Variants in PRPS1 observed in about 807,000 individuals in gnomAD.
PRPS1 encodes ribose-phosphate pyrophosphokinase 1.
A neutral mutation model predicts 16.9 loss-of-function variants in PRPS1; 1 was observed. The ratio of observed to expected loss-of-function variants is 0.06; its 90% CI spans 0.02 to 0.28. PRPS1 has a LOEUF of 0.28. Ranked by LOEUF, PRPS1 falls within the 10% of genes least tolerant of loss-of-function variation. PRPS1 has a pLI of 1.00. For synonymous variants in PRPS1, 70 were observed against 90.2 expected (o/e 0.78, Z 1.27); for missense variants, 47 against 254.0 (o/e 0.19, Z 5.54).
intron 1 of PRPS1, among the ~76,000 whole-genome samples, chrX:107,638,117 T>A (rs938056598): frequency 1.8e-5 from 2 of 108,541 alleles, no homozygotes; most frequent in Non-Finnish European, 3.8e-5. Context: ...TTTTTTTTTT[T>A]ATTTTTATTT....
chrX:107,629,970 C>G (rs1207430562), intron 1 of PRPS1: 2 of 112,242 alleles, frequency 1.8e-5, no homozygotes, highest in South Asian at 7.2e-4. Flanking sequence ...TACTTTTTTG[C>G]TTTCTTTGGA....
chrX:107,643,600 C>G (rs1925624888), intron 4 of PRPS1, among the ~76,000 whole-genome samples: 1 of 110,711 alleles, frequency 9.0e-6, no homozygotes, highest in Non-Finnish European at 1.9e-5. Context: ...AGGTAGAGAT[C>G]CCTGTGTGAT....
At chrX:107,645,749 G>T (rs1036582823) in intron 5 of PRPS1, among the ~76,000 whole-genome samples, 12 of 111,290 alleles carry the variant, frequency 1.1e-4, no homozygotes, top group African/African-American at 3.9e-4. Flanking sequence ...TGAGCAGACA[G>T]GTGTGTGTGC....
At chrX:107,632,662 A>G (rs999342252) in intron 1 of PRPS1, among the ~76,000 whole-genome samples, 1 of 112,658 alleles carries the variant, frequency 8.9e-6, no homozygotes, top group African/African-American at 3.2e-5. Context: ...ATTACTCTCT[A>G]AATTGCTGAA....
At position 107,628,543 on chromosome X, in the gene PRPS1, T is replaced by C; in HGVS notation, c.-86T>C. 8.3e-7 allele frequency: 1 copy of C among 1,200,982 alleles called. No homozygotes were observed. Among genetic ancestry groups the C allele is most frequent in the Admixed American group, 2.2e-5 (1 of 45,956 alleles). ...ATGGCGGAGTAGCAACGCAAAGCGC[T>C]TGGTATTGAGTCTGTGGCCGACTTC... On this transcript the variant is annotated 5_prime_UTR_variant, in exon 1 of 7. Transcript: ENST00000372435.
chrX:107,641,021 T>C, intron 3 of PRPS1, 21 bp downstream of exon 3: 1 of 1,211,563 alleles, frequency 8.3e-7, no homozygotes, highest in Non-Finnish European at 1.1e-6. Flanking sequence ...AAGCTAAATA[T>C]TGGTGTTTGA....
At chrX:107,638,657 A>G (rs1367483906) in intron 1 of PRPS1, among the ~76,000 whole-genome samples, 1 of 111,183 alleles carries the variant, frequency 9.0e-6, no homozygotes, top group African/African-American at 3.3e-5. Flanking sequence ...CTGGGCTCAA[A>G]TGATCCTCCT....
chrX:107,636,927 T>C (rs773309543), intron 1 of PRPS1, among the ~76,000 whole-genome samples: 115 of 111,741 alleles, frequency 1.0e-3, no homozygotes, highest in Non-Finnish European at 1.7e-3. Flanking sequence ...GAGATAGAAG[T>C]ATGGATCTTT....
At chrX:107,645,449 G>A (rs1247248898) in intron 5 of PRPS1, 99 bp downstream of exon 5, 2 of 1,014,739 alleles carry the variant, frequency 2.0e-6, no homozygotes, top group East Asian at 3.1e-5. Context: ...ACCAAATTGA[G>A]GGGATAAGTA....
At chrX:107,642,628 A>C in intron 4 of PRPS1, 138 bp downstream of exon 4, 2 of 792,682 alleles carry the variant, frequency 2.5e-6, no homozygotes, top group Non-Finnish European at 3.7e-6. Context: ...ACATGGGTTG[A>C]ATATAGTTTT....
At chrX:107,641,762 G>T (rs1332705135) in intron 3 of PRPS1, among the ~76,000 whole-genome samples, 1 of 112,063 alleles carries the variant, frequency 8.9e-6, no homozygotes, top group African/African-American at 3.2e-5. Context: ...TTTTCAAAGA[G>T]ATTTTTCAAA....
chrX:107,635,966 A>G (rs1384731492), intron 1 of PRPS1, among the ~76,000 whole-genome samples: 2 of 102,869 alleles, frequency 1.9e-5, no homozygotes, highest in Admixed American at 2.1e-4. Context: ...AGGCTGAGGC[A>G]GGAGAATCAC....
intron 4 of PRPS1, among the ~76,000 whole-genome samples, chrX:107,643,818 G>A: frequency 8.9e-6 from 1 of 111,839 alleles, no homozygotes; most frequent in South Asian, 3.7e-4. Context: ...TGCAGTAGTA[G>A]TAATGGAGAG....
At position 107,628,751 on chromosome X, in the gene PRPS1, G is replaced by A; in HGVS notation, c.122+1G>A. On this transcript the variant is annotated splice_donor_variant, in intron 1 of 6. Coordinates refer to ENST00000372435, the MANE Select transcript of PRPS1 (RefSeq NM_002764.4). LOFTEE classifies it high-confidence loss of function. ...AGAAATTCAGCAACCAGGAGACCTG[G>A]TAAGGACCAAGTTGGGACCCTGACT... The A allele has an allele frequency of 8.3e-7, 1 of 1,211,339 alleles. No homozygotes were observed. Among genetic ancestry groups the A allele is most frequent in the Non-Finnish European group, 1.1e-6 (1 of 895,281 alleles).
At chrX:107,641,250 TG>T in intron 3 of PRPS1, 1 of 758,375 alleles carries the variant, frequency 1.3e-6, no homozygotes, top group Non-Finnish European at 1.9e-6. Context: ...TTACTAGCTT[TG>T]TAAGCTTGGG....
At chrX:107,645,661 G>C (rs1482388371) in intron 5 of PRPS1, among the ~76,000 whole-genome samples, 3 of 111,040 alleles carry the variant, frequency 2.7e-5, no homozygotes, top group South Asian at 7.5e-4. Flanking sequence ...ACCATCGCCT[G>C]ATCATCAAAG....
At chrX:107,633,281 G>T (rs761480846) in intron 1 of PRPS1, among the ~76,000 whole-genome samples, 1 of 109,579 alleles carries the variant, frequency 9.1e-6, no homozygotes, top group Non-Finnish European at 1.9e-5. Context: ...AATTAGCTGG[G>T]CATGGTGGCA....
chrX:107,645,863 C>T (rs1925680731), intron 5 of PRPS1, among the ~76,000 whole-genome samples: 1 of 110,784 alleles, frequency 9.0e-6, no homozygotes, highest in South Asian at 3.8e-4. Flanking sequence ...CACTCTAATC[C>T]TGTGATAGGT....
rs80338730 is a variant in PRPS1 at position 107,642,407 on chromosome X, G to A, written c.447G>A (p.Pro149=). The part of the protein sequence containing the change: ...DIPVDNLYAE[P]AVLKWIRENI... ...CAGTAGACAATTTGTATGCAGAGCC[G>A]GCTGTCCTAAAGTGGATAAGGGAGA... Residue 149 remains proline, a synonymous_variant, in exon 4 of 7, where the codon CCG becomes CCA. Coordinates refer to ENST00000372435, the MANE Select transcript of PRPS1 (RefSeq NM_002764.4). 4.8e-4 allele frequency: 581 copies of A among 1,209,966 alleles called. 3 individuals carry two copies. The East Asian group carries it at 0.015, about 32-fold the overall frequency.
Sources: allele counts gnomAD v4.1 joint callset (sites outside exome capture counted in the v4.1 genomes callset), GRCh38; gene constraint gnomAD v4.1.1; transcripts MANE v1.5; gene names NCBI Gene and HGNC (gene_info 2026-07-23, HGNC 2026-07-21).